Variants in SH2D3C observed in about 807,000 individuals in gnomAD.
SH2D3C encodes SH2 domain containing 3C.
Under a neutral mutation model 75.2 loss-of-function variants are expected in SH2D3C, and 25 were observed. The ratio of observed to expected loss-of-function variants is 0.33; its 90% CI spans 0.24 to 0.46. The LOEUF is 0.46. SH2D3C is among the 20% of genes least tolerant of loss of function. SH2D3C has a pLI of 1.00. For missense variants in SH2D3C, 933 were observed against 1,165.3 expected (o/e 0.80, Z 2.90); for synonymous variants, 450 against 473.7 (o/e 0.95, Z 0.65).
chr9:127,742,967 G>T lies in SH2D3C; in HGVS notation c.1801-3C>A, dbSNP rs372070605. 2.5e-6 allele frequency: 4 copies of T among 1,608,350 alleles called. No homozygotes were observed. The highest frequency in any genetic ancestry group is 2.7e-5 in the African/African-American group (2 of 74,798). ...GTAACGCCCAGTATCCTAGCAACCT[G>T]CAAAGACGCCCAGAGGGCTGATTAA... On this transcript the variant is annotated splice_polypyrimidine_tract_variant and splice_region_variant and intron_variant, in intron 7 of 11. Coordinates refer to ENST00000314830, the MANE Select transcript of SH2D3C (RefSeq NM_170600.3).
At chr9:127,763,990 A>G (rs114207161) in intron 2 of SH2D3C, among the ~76,000 whole-genome samples, 5 of 151,334 alleles carry the variant, frequency 3.3e-5, no homozygotes, top group African/African-American at 1.2e-4. Context: ...ACCTCCGCCC[A>G]CTCTTCCCGG....
chr9:127,777,409 A>C (rs1588530228), intron 1 of SH2D3C, among the ~76,000 whole-genome samples: 3 of 141,488 alleles, frequency 2.1e-5, no homozygotes, highest in Non-Finnish European at 3.1e-5. Flanking sequence ...TGACACCCCC[A>C]TCCCCCTGCC....
Position 127,744,960 on chromosome 9 carries a change from GT to G in SH2D3C, c.1403del (p.His468ProfsTer58), listed in dbSNP as rs1411643743. The G allele has an allele frequency of 6.4e-7, 1 of 1,560,222 alleles. No homozygotes were observed. Among genetic ancestry groups the G allele is most frequent in the African/African-American group, 1.4e-5 (1 of 73,426 alleles). On this transcript the variant is annotated frameshift_variant, in exon 7 of 12. Transcript: ENST00000314830. LOFTEE classifies it high-confidence loss of function. ...KTHGESDKGP[H>X]TSPSHTLGKA... Reference sequence around the variant, plus strand: ...TGCCAAGGGTGTGGGAGGGGCTGGTGTGGGGGCCCTTGTCTGACTCCCCATG... The same window carrying G: ...TGCCAAGGGTGTGGGAGGGGCTGGTGGGGGGCCCTTGTCTGACTCCCCATG...
At position 127,751,142 on chromosome 9, in the gene SH2D3C, G is replaced by T; in HGVS notation, c.684+30C>A. Reference sequence around the variant, plus strand: ...CCAAGGCAGTGGGTGGGAGGGTCCCGGGTTGAAGTCCAGCTCGGGGCCTAC... The same window carrying T: ...CCAAGGCAGTGGGTGGGAGGGTCCCTGGTTGAAGTCCAGCTCGGGGCCTAC... On this transcript the variant is annotated intron_variant, in intron 4 of 11. Coordinates refer to ENST00000314830, the MANE Select transcript of SH2D3C (RefSeq NM_170600.3). This position sits in a 1 kb window ranked among gnomAD's most constrained non-coding sequence, Gnocchi z 4.1. 1.2e-6 allele frequency: 2 copies of T among 1,611,214 alleles called. No homozygotes were observed. The highest frequency in any genetic ancestry group is 1.1e-5 in the South Asian group (1 of 90,964).
In SH2D3C at chr9:127,738,842, G is replaced by A; in HGVS notation, c.2487C>T (p.Ala829=). The change falls in exon 12 of 12, where the codon GCC becomes GCT. Residue 829 remains alanine, a synonymous_variant. Coordinates refer to ENST00000314830, the MANE Select transcript of SH2D3C (RefSeq NM_170600.3). The surrounding 1 kb of genome is among the most constrained non-coding windows in gnomAD (Gnocchi z 5.0). ...CATAGCGCCGGGCCTGGCTGCTGCTGGCACCCTGACTGCCCCAGAGAAGGC... is the reference window on the plus strand; with the variant it reads ...CATAGCGCCGGGCCTGGCTGCTGCTAGCACCCTGACTGCCCCAGAGAAGGC... ...QMRLLWGSQG[A]SSSQARRYEK... 6.2e-7 allele frequency: 1 copy of A among 1,603,544 alleles called. No individual in the cohort carries two copies. The highest frequency in any genetic ancestry group is 8.5e-7 in the Non-Finnish European group (1 of 1,175,394).
chr9:127,745,943 G>C (rs1845017697), intron 6 of SH2D3C, among the ~76,000 whole-genome samples: 2 of 152,126 alleles, frequency 1.3e-5, no homozygotes, highest in South Asian at 4.1e-4. Context: ...TTGTACCTCA[G>C]TCTATTTAAT....
At chr9:127,740,868 A>G (rs948659361) in intron 9 of SH2D3C, among the ~76,000 whole-genome samples, 1 of 152,116 alleles carries the variant, frequency 6.6e-6, no homozygotes, top group African/African-American at 2.4e-5. Context: ...TTTTTAGTAG[A>G]GACGGGGTTT....
chr9:127,772,214 C>A (rs1256499782), intron 2 of SH2D3C, among the ~76,000 whole-genome samples: 1 of 150,356 alleles, frequency 6.7e-6, no homozygotes, highest in African/African-American at 2.4e-5. Flanking sequence ...GAACTCTGGC[C>A]CTACAATTAC....
At chr9:127,760,624 G>T (rs1360384351) in intron 3 of SH2D3C, among the ~76,000 whole-genome samples, 1 of 151,856 alleles carries the variant, frequency 6.6e-6, no homozygotes, top group African/African-American at 2.4e-5. Context: ...GAAAAAAAAA[G>T]TAATGTGACC....
chr9:127,771,347 T>C, intron 2 of SH2D3C: 1 of 1,373,926 alleles, frequency 7.3e-7, no homozygotes, highest in Non-Finnish European at 9.4e-7. Context: ...GAGACTGACC[T>C]GTAGACCACG....
At chr9:127,762,290 C>A in intron 2 of SH2D3C, 1 of 1,270,606 alleles carries the variant, frequency 7.9e-7, no homozygotes, top group African/African-American at 1.5e-5. Context: ...CTCCTGAGGG[C>A]CACCGTGAAC....
At chr9:127,756,057 T>C (rs1845370994) in intron 3 of SH2D3C, among the ~76,000 whole-genome samples, 1 of 152,212 alleles carries the variant, frequency 6.6e-6, no homozygotes. Flanking sequence ...TCCCACGCCC[T>C]GGGAGACCGG....
intron 3 of SH2D3C, among the ~76,000 whole-genome samples, chr9:127,760,061 T>C (rs541258386): frequency 6.7e-5 from 10 of 148,172 alleles, no homozygotes; most frequent in African/African-American, 2.5e-4. Flanking sequence ...GAGGCTAAGG[T>C]GGGAGGATTG....
chr9:127,776,687 C>T (rs947833532), intron 1 of SH2D3C, among the ~76,000 whole-genome samples: 1 of 152,238 alleles, frequency 6.6e-6, no homozygotes, highest in Non-Finnish European at 1.5e-5. Context: ...GTAGGATGCC[C>T]CCAGTTGACA....
chr9:127,755,060 G>A (rs1281335897), intron 3 of SH2D3C: 4 of 1,173,082 alleles, frequency 3.4e-6, no homozygotes, highest in Middle Eastern at 3.4e-4. Context: ...GCGTGGCGGG[G>A]GCCGAGCCGC....
At chr9:127,741,731 AC>A in intron 9 of SH2D3C, 56 bp downstream of exon 9, 1 of 1,559,104 alleles carries the variant, frequency 6.4e-7, no homozygotes, top group Non-Finnish European at 8.7e-7. Context: ...TCCCAAAGGC[AC>A]CCCAGGGCTC....
At position 127,774,551 on chromosome 9, in the gene SH2D3C, C is replaced by G. The variant is rs188648241; in HGVS notation, c.38-84G>C. On this transcript the variant is annotated intron_variant, in intron 1 of 11. Coordinates refer to ENST00000314830, the MANE Select transcript of SH2D3C (RefSeq NM_170600.3). The surrounding 1 kb of genome is among the most constrained non-coding windows in gnomAD (Gnocchi z 4.3). ...AATGAACAATTCCTGCAGTTTCACT[C>G]GGTGAGGGGCTGAAGAGGGCTGGCG... 3 of 765,578 alleles carry G rather than the reference C, an allele frequency of 3.9e-6. No homozygotes were observed. The highest frequency in any genetic ancestry group is 6.7e-6 in the Non-Finnish European group (3 of 446,082). The allele number at this position is 765,578 out of a possible 1,614,324, so 47.4% of individuals were successfully genotyped here.
Position 127,742,223 on chromosome 9 carries a change from TTTTG to T in SH2D3C, c.1917-268_1917-265del, listed in dbSNP as rs113162363. Among the ~76,000 whole-genome samples the T allele has an allele frequency of 2.0e-3, 302 of 152,102 alleles. 1 individual carries two copies. Among genetic ancestry groups the T allele is most frequent in the South Asian group, 7.1e-3 (34 of 4,816 alleles). On this transcript the variant is annotated intron_variant, in intron 8 of 11. Coordinates refer to ENST00000314830, the MANE Select transcript of SH2D3C (RefSeq NM_170600.3). ...CACGCAGAGTAGTTTTTTGTTTTGT[TTTTG>T]TTTGTTTGTTTGTTTGTTTGTTTTT...
intron 3 of SH2D3C, among the ~76,000 whole-genome samples, chr9:127,753,342 C>A (rs1845256463): frequency 2.0e-5 from 3 of 149,834 alleles, no homozygotes; most frequent in Admixed American, 2.0e-4. Context: ...TGGCCGAGAT[C>A]CTAGAAGGAT....
Sources: gnomAD v4.1 joint callset for allele counts (sites outside exome capture counted in the v4.1 genomes callset) on GRCh38, gnomAD v4.1.1 for gene constraint, Gnocchi (gnomAD v3.1) non-coding constraint, MANE v1.5 for transcripts, NCBI Gene and HGNC (gene_info 2026-07-23, HGNC 2026-07-21) for gene names.